Variants in APC observed in about 807,000 individuals in gnomAD.
The protein encoded by APC is adenomatous polyposis coli protein.
APC carries 72 observed loss-of-function variants against 247.0 expected under a neutral mutation model. That is an observed-to-expected ratio of 0.29 (90% CI 0.24 to 0.35). APC has a LOEUF of 0.35. APC is among the 10% of genes least tolerant of loss of function. APC has a pLI of 1.00. For missense variants in APC, 3,400 were observed against 3,360.7 expected (o/e 1.01, Z -0.29); for synonymous variants, 1,254 against 1,162.5 (o/e 1.08, Z -1.60).
chr5:112,774,942 T>C (rs1757454505), intron 4 of APC, among the ~76,000 whole-genome samples: 1 of 152,194 alleles, frequency 6.6e-6, no homozygotes, highest in South Asian at 2.1e-4. Flanking sequence ...GTGGTAGCTC[T>C]GGCAAAGAGC....
chr5:112,774,682 G>T (rs897657285), intron 4 of APC, among the ~76,000 whole-genome samples: 3 of 151,648 alleles, frequency 2.0e-5, no homozygotes, highest in African/African-American at 7.3e-5. Flanking sequence ...TCATCATGTT[G>T]CCCAGGCTGG....
chr5:112,755,499 A>G (rs1194899669), intron 2 of APC, among the ~76,000 whole-genome samples: 1 of 152,240 alleles, frequency 6.6e-6, no homozygotes, highest in Non-Finnish European at 1.5e-5. Context: ...ACCTGGTTCT[A>G]TCCCTGGCTT....
rs1554085017 is a variant in APC, at chr5:112,839,052, A to T, written c.3458A>T (p.His1153Leu). The change falls in exon 16 of 16, where the codon CAT (histidine) becomes CTT (leucine). Residue 1153 changes from histidine (H) to leucine (L), a missense_variant. By Grantham distance (99) the His-to-Leu change is moderately conservative (BLOSUM62 -3). This residue lies in a region of APC where 715 missense variants were observed against 656.6 expected (regional missense o/e 1.09). Coordinates refer to ENST00000257430, the MANE Select transcript of APC (RefSeq NM_000038.6). This position sits in a 1 kb window ranked among gnomAD's most constrained non-coding sequence, Gnocchi z 5.0. ...YSERYSEEEQHEEEERPTNYS... is the reference protein window; with the variant it reads ...YSERYSEEEQLEEEERPTNYS... ...GAACGTTACTCTGAAGAAGAACAGCATGAAGAAGAAGAGAGACCAACAAAT... is the reference window on the plus strand; with the variant it reads ...GAACGTTACTCTGAAGAAGAACAGCTTGAAGAAGAAGAGAGACCAACAAAT... The T allele has an allele frequency of 6.2e-7, 1 of 1,614,124 alleles. No individual in the cohort carries two copies. The highest frequency in any genetic ancestry group is 8.5e-7 in the Non-Finnish European group (1 of 1,180,040).
At chr5:112,730,243 C>G (rs908302217) in intron 1 of APC, among the ~76,000 whole-genome samples, 2 of 152,096 alleles carry the variant, frequency 1.3e-5, no homozygotes, top group African/African-American at 4.8e-5. Context: ...TATCAAGTAC[C>G]TACTGCTGCA....
upstream of APC, among the ~76,000 whole-genome samples, chr5:112,734,591 G>A (rs550533197): frequency 6.6e-4 from 100 of 152,216 alleles, no homozygotes; most frequent in African/African-American, 2.3e-3. Flanking sequence ...AAGGTCTTCG[G>A]TAAAGAGAGA....
chr5:112,797,670 G>T (rs949395023), intron 7 of APC, among the ~76,000 whole-genome samples: 1 of 152,176 alleles, frequency 6.6e-6, no homozygotes, highest in Non-Finnish European at 1.5e-5. Context: ...GGACAATGCA[G>T]TGTGTCTTAA....
At chr5:112,772,434 C>T (rs1335051933) in intron 4 of APC, among the ~76,000 whole-genome samples, 5 of 152,060 alleles carry the variant, frequency 3.3e-5, no homozygotes, top group Non-Finnish European at 7.4e-5. Context: ...AGCAAATTGT[C>T]CCTAGTGTCC....
At chr5:112,802,693 G>A (rs188339951) in intron 8 of APC, among the ~76,000 whole-genome samples, 29 of 152,050 alleles carry the variant, frequency 1.9e-4, no homozygotes, top group African/African-American at 6.0e-4. Flanking sequence ...TGTGGGTAGC[G>A]TTTTTATAAT....
intron 1 of APC, among the ~76,000 whole-genome samples, chr5:112,726,856 A>T (rs1751810379): frequency 6.6e-6 from 1 of 152,084 alleles, no homozygotes; most frequent in South Asian, 2.1e-4. Context: ...GTAAATATGA[A>T]GTTTCAGTTT....
At chr5:112,789,691 A>G (rs1221875502) in intron 6 of APC, among the ~76,000 whole-genome samples, 1 of 152,192 alleles carries the variant, frequency 6.6e-6, no homozygotes, top group Admixed American at 6.5e-5. Context: ...CAGTAATTTT[A>G]TGTAGCTTGG....
chr5:112,822,482 T>C (rs562907969), intron 11 of APC, among the ~76,000 whole-genome samples: 2 of 152,320 alleles, frequency 1.3e-5, no homozygotes, highest in South Asian at 2.1e-4. Flanking sequence ...ATCTTTGAAA[T>C]TGGTTAATAT....
intron 1 of APC, among the ~76,000 whole-genome samples, chr5:112,749,996 T>C (rs1181636882): frequency 2.0e-5 from 3 of 146,876 alleles, no homozygotes; most frequent in Non-Finnish European, 3.0e-5. Flanking sequence ...GGAGTCTTGC[T>C]CTGTCTCCCT....
rs1765709676 is a variant in APC at position 112,840,156 on chromosome 5, A to G, written c.4562A>G (p.Glu1521Gly). 1 of 1,614,176 alleles carries G rather than the reference A, an allele frequency of 6.2e-7. No individual in the cohort carries two copies. The highest frequency in any genetic ancestry group is 1.1e-5 in the South Asian group (1 of 91,086). The change falls in exon 16 of 16, where the codon GAA (glutamate) becomes GGA (glycine). Residue 1521 changes from glutamate (E) to glycine (G), a missense_variant. By Grantham distance (98) the Glu-to-Gly change is moderately conservative. Around this residue, in one of 9 missense-constraint regions of APC, gnomAD observed 1,788 missense variants for 1,649.5 expected, o/e 1.08. Transcript: ENST00000257430. This position sits in a 1 kb window ranked among gnomAD's most constrained non-coding sequence, Gnocchi z 4.1. Reference protein sequence around the residue: ...LDEPFIQKDVELRIMPPVQEN... With the variant: ...LDEPFIQKDVGLRIMPPVQEN... ...GAGCCATTTATACAGAAAGATGTGG[A>G]ATTAAGAATAATGCCTCCAGTTCAG...
rs1554087786 is a variant in APC, at chr5:112,842,441, A to G, written c.6847A>G (p.Ser2283Gly). The part of the protein sequence containing the change: ...GAKPSVKSEL[S>G]PVARQTSQIG... ...CAAGCCATCTGTGAAATCAGAATTA[A>G]GCCCTGTTGCCAGGCAGACATCCCA... Residue 2283 changes from serine (S) to glycine (G), a missense_variant, in exon 16 of 16, where the codon AGC (serine) becomes GGC (glycine). Ser to Gly is a moderately conservative substitution (Grantham distance 56, BLOSUM62 0). Around this residue, in one of 9 missense-constraint regions of APC, gnomAD observed 1,788 missense variants for 1,649.5 expected, o/e 1.08. Coordinates refer to ENST00000257430, the MANE Select transcript of APC (RefSeq NM_000038.6). 2 of 1,613,920 alleles carry G rather than the reference A, an allele frequency of 1.2e-6. No homozygotes were observed. Among genetic ancestry groups the G allele is most frequent in the Admixed American group, 1.7e-5 (1 of 59,972 alleles).
At chr5:112,781,814 A>G (rs771504421) in intron 6 of APC, among the ~76,000 whole-genome samples, 1 of 151,134 alleles carries the variant, frequency 6.6e-6, no homozygotes, top group Non-Finnish European at 1.5e-5. Flanking sequence ...CTGAAGTGCA[A>G]TGGCATGATC....
intron 14 of APC, among the ~76,000 whole-genome samples, chr5:112,831,662 C>A (rs1764315839): frequency 6.6e-6 from 1 of 152,190 alleles, no homozygotes; most frequent in African/African-American, 2.4e-5. Flanking sequence ...AGAGCTCTTA[C>A]TCTAGAGCTT....
intron 1 of APC, among the ~76,000 whole-genome samples, chr5:112,712,700 G>A (rs964126150): frequency 3.9e-5 from 6 of 152,000 alleles, no homozygotes; most frequent in African/African-American, 7.2e-5. Context: ...GCATGTGCGC[G>A]TTTGTATTCC....
intron 1 of APC, among the ~76,000 whole-genome samples, chr5:112,718,371 T>C (rs946090849): frequency 2.0e-5 from 3 of 152,222 alleles, no homozygotes; most frequent in African/African-American, 7.2e-5. Flanking sequence ...TTCAAATCTT[T>C]AACTTTCCTG....
chr5:112,752,945 A>T (rs746321127), intron 1 of APC, among the ~76,000 whole-genome samples: 11 of 152,162 alleles, frequency 7.2e-5, no homozygotes, highest in Non-Finnish European at 1.0e-4. Flanking sequence ...TACTTTTAGC[A>T]GTCTCTGCTC....
Sources: allele counts gnomAD v4.1 joint callset (sites outside exome capture counted in the v4.1 genomes callset), GRCh38; gene constraint gnomAD v4.1.1; regional missense constraint gnomAD v4.1.1; non-coding constraint Gnocchi (gnomAD v3.1); transcripts MANE v1.5; gene names NCBI Gene and HGNC (gene_info 2026-07-23, HGNC 2026-07-21).